Variants in PHTF2 observed in about 807,000 individuals in gnomAD.
The protein encoded by PHTF2 is putative homeodomain transcription factor 2.
Under a neutral mutation model 101.2 loss-of-function variants are expected in PHTF2, and 60 were observed. The ratio of observed to expected loss-of-function variants is 0.59; its 90% confidence interval spans 0.48 to 0.73. PHTF2 has a LOEUF of 0.73. Among genes scored for constraint, PHTF2 ranks in the 30% least tolerant of loss-of-function variants. The pLI is 0.00. For synonymous variants in PHTF2, 311 were observed against 307.3 expected (o/e 1.01, Z -0.13); for missense variants, 747 against 908.7 (o/e 0.82, Z 2.29).
chr7:77,838,905 T>A (rs938927006), intron 1 of PHTF2, among the ~76,000 whole-genome samples: 1 of 152,220 alleles, frequency 6.6e-6, no homozygotes, highest in Non-Finnish European at 1.5e-5. Context: ...AGGCATTGAA[T>A]AAATTCTGCT....
intron 2 of PHTF2, among the ~76,000 whole-genome samples, chr7:77,853,280 C>G (rs755503058): frequency 2.6e-5 from 4 of 151,848 alleles, no homozygotes; most frequent in Non-Finnish European, 5.9e-5. Context: ...TCTTTTGTCT[C>G]TTCTGACTGT....
intron 3 of PHTF2, among the ~76,000 whole-genome samples, chr7:77,889,802 T>G (rs958707820): frequency 2.0e-5 from 3 of 152,006 alleles, no homozygotes; most frequent in Admixed American, 2.0e-4. Context: ...GGTTTCACTG[T>G]GTTGGCCAGG....
intron 1 of PHTF2, among the ~76,000 whole-genome samples, chr7:77,811,153 C>T (rs1344711534): frequency 2.0e-5 from 3 of 152,174 alleles, no homozygotes; most frequent in African/African-American, 2.4e-5. Flanking sequence ...CCACCTGCCT[C>T]AGCCTCCCAA....
intron 10 of PHTF2, among the ~76,000 whole-genome samples, chr7:77,921,768 C>T (rs748499756): frequency 2.6e-4 from 40 of 152,070 alleles, no homozygotes; most frequent in Non-Finnish European, 2.8e-4. Flanking sequence ...ATCAATAAAA[C>T]GTATGCTCTA....
At chr7:77,816,089 T>G (rs1240421656) in intron 1 of PHTF2, among the ~76,000 whole-genome samples, 5 of 152,108 alleles carry the variant, frequency 3.3e-5, no homozygotes, top group Non-Finnish European at 5.9e-5. Context: ...TTTTTTTTTC[T>G]TTGAGACAAG....
intron 3 of PHTF2, among the ~76,000 whole-genome samples, chr7:77,869,443 C>T (rs1320324695): frequency 6.6e-6 from 1 of 152,202 alleles, no homozygotes; most frequent in Non-Finnish European, 1.5e-5. Context: ...GTATTACTCT[C>T]TACCTCCATG....
intron 1 of PHTF2, among the ~76,000 whole-genome samples, chr7:77,802,084 A>G (rs773519641): frequency 6.6e-6 from 1 of 152,212 alleles, no homozygotes; most frequent in African/African-American, 2.4e-5. Context: ...AAAGGTCTGA[A>G]GGTGGTGTTT....
chr7:77,914,083 GA>G (rs145837058), intron 9 of PHTF2, among the ~76,000 whole-genome samples: 10 of 143,282 alleles, frequency 7.0e-5, no homozygotes, highest in Non-Finnish European at 9.2e-5. Flanking sequence ...AAAAAAAAAG[GA>G]AAAAAAAAAG....
intron 1 of PHTF2, among the ~76,000 whole-genome samples, chr7:77,836,428 A>C (rs545854415): frequency 7.9e-4 from 121 of 152,268 alleles, no homozygotes; most frequent in African/African-American, 2.7e-3. Context: ...GTAAAGGCAG[A>C]CTTAACATAC....
intron 3 of PHTF2, among the ~76,000 whole-genome samples, chr7:77,865,688 ATACTTGG>A (rs1352288139): frequency 6.6e-6 from 1 of 152,202 alleles, no homozygotes; most frequent in African/African-American, 2.4e-5. Flanking sequence ...GTCTTACTGT[ATACTTGG>A]TACTTGGTAA....
chr7:77,910,152 T>C lies in PHTF2; in HGVS notation c.612-93T>C, dbSNP rs1802244884. On this transcript the variant is annotated intron_variant, in intron 8 of 19. Coordinates refer to ENST00000416283, the Ensembl canonical transcript of PHTF2. The stretch of plus-strand genomic sequence containing the variant: ...TATTATGTGTTAAGTAAAGTTCCTG[T>C]GTTTATGTTTTCCAAAATTTTGATT... 4.4e-6 allele frequency: 4 copies of C among 899,636 alleles called. No homozygotes were observed. The Admixed American group carries it at 8.2e-5, about 19-fold the overall frequency. 55.7% of individuals were successfully genotyped at this position (899,636 alleles called of 1,614,324 possible).
At chr7:77,954,705 G>A (rs1806881712) in intron 19 of PHTF2, among the ~76,000 whole-genome samples, 153 bp from the exon 19 acceptor site, 1 of 146,908 alleles carries the variant, frequency 6.8e-6, no homozygotes, top group South Asian at 2.1e-4. Context: ...TTGTGTTTAA[G>A]GTGAGTTCTT....
chr7:77,803,688 CGTGTGTGTGTGTGTGTGT>C (rs34239792), intron 1 of PHTF2, among the ~76,000 whole-genome samples: 1 of 140,862 alleles, frequency 7.1e-6, no homozygotes. Flanking sequence ...GTTGAACAGG[CGTGTGTGTGTGTGTGTGT>C]GTGTGTGTGT....
Position 77,836,535 on chromosome 7 carries a change from A to T in PHTF2, c.-35-3686A>T, listed in dbSNP as rs541962700. Among the ~76,000 whole-genome samples the T allele has an allele frequency of 2.0e-5, 3 of 152,324 alleles. No homozygotes were observed. The South Asian group carries it at 6.2e-4, about 32-fold the overall frequency. On this transcript the variant is annotated intron_variant, in intron 1 of 19. Coordinates refer to ENST00000416283, the Ensembl canonical transcript of PHTF2. ...TAAAGACACATGCACACATATGTTT[A>T]TTGTGGCACTGTTCACAATAGCAAG...
chr7:77,823,092 G>A (rs1794430577), intron 1 of PHTF2, among the ~76,000 whole-genome samples: 1 of 151,566 alleles, frequency 6.6e-6, no homozygotes, highest in South Asian at 2.1e-4. Flanking sequence ...TTTTAGTAGA[G>A]ACGGGGTTTC....
intron 1 of PHTF2, among the ~76,000 whole-genome samples, chr7:77,818,765 G>GT (rs904499639): frequency 5.9e-5 from 9 of 152,068 alleles, no homozygotes; most frequent in Admixed American, 4.6e-4. Context: ...TTTTGGGATT[G>GT]TTTTTTCTGT....
intron 1 of PHTF2, among the ~76,000 whole-genome samples, chr7:77,812,437 G>A (rs903466677): frequency 3.3e-5 from 5 of 152,236 alleles, no homozygotes; most frequent in African/African-American, 7.2e-5. Context: ...TACATAATTT[G>A]TGTGTACTGT....
chr7:77,888,340 G>A (rs1041525354), intron 3 of PHTF2, among the ~76,000 whole-genome samples: 2 of 152,060 alleles, frequency 1.3e-5, no homozygotes, highest in South Asian at 2.1e-4. Flanking sequence ...GGTCTGAATG[G>A]TCTGACCTCA....
In PHTF2 at chr7:77,908,783, C is replaced by CT. The variant is rs751125580; in HGVS notation, c.446-5dup. On this transcript the variant is annotated splice_polypyrimidine_tract_variant and intron_variant, in intron 7 of 19. Coordinates refer to ENST00000416283, the Ensembl canonical transcript of PHTF2. ...CTATAATTAAGCATATTTTCTTTCCCTTTTTATAGTTGCTGCAATAGTATT... is the reference window on the plus strand; with the variant it reads ...CTATAATTAAGCATATTTTCTTTCCCTTTTTTATAGTTGCTGCAATAGTATT... The CT allele has an allele frequency of 1.3e-6, 2 of 1,526,966 alleles. No individual in the cohort carries two copies. The highest frequency in any genetic ancestry group is 1.8e-6 in the Non-Finnish European group (2 of 1,126,538). The allele number at this position is 1,526,966 out of a possible 1,614,324, so 94.6% of individuals were successfully genotyped here.
Sources: gnomAD v4.1 joint callset for allele counts (sites outside exome capture counted in the v4.1 genomes callset) on GRCh38, gnomAD v4.1.1 for gene constraint, MANE v1.5 for transcripts, NCBI Gene and HGNC (gene_info 2026-07-23, HGNC 2026-07-21) for gene names.